ZNF609: variants seen among roughly 807,000 people sequenced by gnomAD.
The protein encoded by ZNF609 is zinc finger protein 609.
In ZNF609, 11 loss-of-function variants were observed where a neutral mutation model predicts 109.5. The observed-to-expected ratio is 0.10, with a 90% CI of 0.06 to 0.17. The LOEUF (loss-of-function observed/expected upper bound fraction) is 0.17, where lower values mean the gene tolerates loss of function less well. Ranked by LOEUF, ZNF609 falls within the 10% of genes least tolerant of loss-of-function variation. The probability of loss-of-function intolerance (pLI) is 1.00; values close to 1 mark genes in which losing one functional copy is unlikely to be tolerated. For missense variants in ZNF609, 1,559 were observed against 1,772.4 expected (o/e 0.88, Z 2.16); for synonymous variants, 646 against 662.0 (o/e 0.98, Z 0.37).
Position 64,676,272 on chromosome 15 carries a change from G to A in ZNF609, c.3402+16G>A. The A allele has an allele frequency of 1.9e-6, 3 of 1,580,424 alleles. No individual in the cohort carries two copies. The African/African-American group carries it at 4.1e-5, about 21-fold the overall frequency. On this transcript the variant is annotated intron_variant, in intron 5 of 9. Transcript: ENST00000326648. ...GTACCGACAGGTAACTGTTGCCCTG[G>A]GAGGAAGTGGAAATACCGTATGGTA...
At position 64,466,991 on chromosome 15, in the gene ZNF609, G is replaced by A. The variant is rs143381781; in HGVS notation, c.-128+6153G>A. ...GTTGAACTGCAGTCTCATGAGCACA[G>A]TCAGATCTATGAATGAGCTTTATAT... On this transcript the variant is annotated intron_variant, in intron 1 of 9. Coordinates refer to ENST00000326648, the MANE Select transcript of ZNF609 (RefSeq NM_015042.2). Among the ~76,000 whole-genome samples the A allele has an allele frequency of 6.1e-3, 936 of 152,216 alleles. 14 individuals carry two copies. Among genetic ancestry groups the A allele is most frequent in the African/African-American group, 0.022 (895 of 41,514 alleles).
rs1023616225 is a variant in ZNF609 at position 64,545,215 on chromosome 15, TGA to T, written c.747+45052_747+45053del. ...TATACAGGATTTTTTTTTTTTTCTT[TGA>T]GACAGGGTCTAGCTCTGTAACCCAA... On this transcript the variant is annotated intron_variant, in intron 2 of 9. Coordinates refer to ENST00000326648, the MANE Select transcript of ZNF609 (RefSeq NM_015042.2). Among the ~76,000 whole-genome samples the T allele has an allele frequency of 1.3e-3, 199 of 152,140 alleles. 2 individuals carry two copies. Among genetic ancestry groups the T allele is most frequent in the Non-Finnish European group, 3.1e-4 (21 of 67,996 alleles).
intron 2 of ZNF609, among the ~76,000 whole-genome samples, chr15:64,554,103 A>C (rs1000517180): frequency 6.6e-5 from 10 of 152,134 alleles, no homozygotes; most frequent in Non-Finnish European, 1.3e-4. Context: ...TAGAACCTCT[A>C]TTACTATGCT....
intron 2 of ZNF609, among the ~76,000 whole-genome samples, chr15:64,508,684 ATTTTTT>A (rs1160116983): frequency 2.5e-4 from 32 of 130,530 alleles, no homozygotes; most frequent in African/African-American, 8.4e-4. Flanking sequence ...GACCCAGAAA[ATTTTTT>A]TTTTTTTTTT....
At chr15:64,611,062 GAC>G (rs374001095) in intron 2 of ZNF609, among the ~76,000 whole-genome samples, 2 of 152,092 alleles carry the variant, frequency 1.3e-5, no homozygotes, top group Non-Finnish European at 2.9e-5. Flanking sequence ...GAGTAAAGAT[GAC>G]ACACTTAAGT....
chr15:64,604,071 C>G (rs1895554799), intron 2 of ZNF609, among the ~76,000 whole-genome samples: 1 of 149,794 alleles, frequency 6.7e-6, no homozygotes, highest in South Asian at 2.1e-4. Flanking sequence ...ACAAATGATT[C>G]TGCTCCTTTT....
chr15:64,663,545 T>C (rs1406316464), intron 3 of ZNF609, among the ~76,000 whole-genome samples: 1 of 151,676 alleles, frequency 6.6e-6, no homozygotes, highest in Non-Finnish European at 1.5e-5. Context: ...GAATCTGGAG[T>C]TTAGGGGAGA....
intron 2 of ZNF609, 24 bp downstream of exon 2, chr15:64,500,190 G>A (rs779315525): frequency 1.2e-6 from 2 of 1,608,844 alleles, no homozygotes; most frequent in South Asian, 2.2e-5. Flanking sequence ...AGATATGGCT[G>A]CCCACTGACT....
At chr15:64,644,053 A>G (rs1363674883) in intron 3 of ZNF609, among the ~76,000 whole-genome samples, 1 of 152,064 alleles carries the variant, frequency 6.6e-6, no homozygotes, top group Admixed American at 6.6e-5. Flanking sequence ...ACAGTGAGCC[A>G]TGATCTTGCC....
intron 2 of ZNF609, among the ~76,000 whole-genome samples, chr15:64,607,350 G>T (rs1895620223): frequency 6.6e-6 from 1 of 151,910 alleles, no homozygotes; most frequent in Non-Finnish European, 1.5e-5. Context: ...TATATTCTAT[G>T]TAAGGCTGAT....
At chr15:64,530,823 T>G (rs1894050404) in intron 2 of ZNF609, among the ~76,000 whole-genome samples, 1 of 152,162 alleles carries the variant, frequency 6.6e-6, no homozygotes, top group African/African-American at 2.4e-5. Flanking sequence ...TACATACCCC[T>G]AGAGAGAAGT....
intron 2 of ZNF609, among the ~76,000 whole-genome samples, chr15:64,569,678 A>G (rs1343603818): frequency 1.3e-5 from 2 of 152,262 alleles, no homozygotes; most frequent in Non-Finnish European, 2.9e-5. Context: ...AAAAGAATCA[A>G]TAGTTTTATC....
chr15:64,497,280 A>C (rs1345789559), intron 1 of ZNF609, among the ~76,000 whole-genome samples: 2 of 152,188 alleles, frequency 1.3e-5, no homozygotes, highest in Non-Finnish European at 2.9e-5. Flanking sequence ...TGCTGTTAAC[A>C]CTAAGATCTC....
Position 64,497,747 on chromosome 15 carries a change from A to G in ZNF609, c.-127-1546A>G, listed in dbSNP as rs1893501166. Among the ~76,000 whole-genome samples the G allele has an allele frequency of 2.0e-5, 3 of 152,000 alleles. No individual in the cohort carries two copies. In the South Asian group the frequency reaches 6.3e-4, roughly 32 times the overall value. ...GTGAAACCCCGTCTCTACTAAGAAT[A>G]CAAGTTAGTCAGTCATTGTGGTGCA... On this transcript the variant is annotated intron_variant, in intron 1 of 9. Transcript: ENST00000326648.
At chr15:64,609,336 T>TTTTG (rs902181023) in intron 2 of ZNF609, among the ~76,000 whole-genome samples, 8 of 151,526 alleles carry the variant, frequency 5.3e-5, no homozygotes, top group African/African-American at 7.3e-5. Context: ...TAATTTTTGT[T>TTTTG]TTTGTTTGTT....
chr15:64,640,913 G>A (rs546397825), intron 3 of ZNF609, among the ~76,000 whole-genome samples: 2 of 152,310 alleles, frequency 1.3e-5, no homozygotes, highest in South Asian at 4.1e-4. Context: ...AACTGTGTCA[G>A]ATTTTTTGCA....
intron 3 of ZNF609, among the ~76,000 whole-genome samples, chr15:64,635,073 G>A (rs1026678434): frequency 1.1e-4 from 17 of 152,096 alleles, no homozygotes; most frequent in Admixed American, 1.1e-3. Flanking sequence ...TTTGCAAATG[G>A]CAAAATAGAC....
At position 64,467,489 on chromosome 15, in the gene ZNF609, G is replaced by A. The variant is rs1044156239; in HGVS notation, c.-128+6651G>A. 7.2e-5 allele frequency among the ~76,000 whole-genome samples: 11 copies of A among 152,272 alleles called. No individual in the cohort carries two copies. In the East Asian group the frequency reaches 2.1e-3, roughly 29 times the overall value. On this transcript the variant is annotated intron_variant, in intron 1 of 9. Coordinates refer to ENST00000326648, the MANE Select transcript of ZNF609 (RefSeq NM_015042.2). ...GTCACTGTGGCCTGCTTTTAAGGAG[G>A]TACATTTGATGAAAACACAGGACAT...
intron 3 of ZNF609, among the ~76,000 whole-genome samples, chr15:64,665,846 C>CAGTGAGTAG (rs1896638147): frequency 6.6e-6 from 1 of 151,366 alleles, no homozygotes; most frequent in Non-Finnish European, 1.5e-5. Context: ...GCGGAGGTTG[C>CAGTGAGTAG]GATGACCCAA....
Sources: allele counts gnomAD v4.1 joint callset (sites outside exome capture counted in the v4.1 genomes callset), GRCh38; gene constraint gnomAD v4.1.1; transcripts MANE v1.5; gene names NCBI Gene and HGNC (gene_info 2026-07-23, HGNC 2026-07-21).